SUCLA2: variants seen among roughly 807,000 people sequenced by gnomAD.
SUCLA2 encodes the protein succinate-CoA ligase ADP-forming subunit beta.
A neutral mutation model predicts 54.8 loss-of-function variants in SUCLA2; 30 were observed. The observed-to-expected ratio is 0.55, with a 90% CI of 0.41 to 0.74. The LOEUF (loss-of-function observed/expected upper bound fraction) is 0.74. SUCLA2 is among the 30% of genes least tolerant of loss of function. The pLI, the probability that SUCLA2 is intolerant of heterozygous loss-of-function variation, is 0.00. For synonymous variants in SUCLA2, 172 were observed against 188.9 expected, an observed-to-expected ratio of 0.91 and a Z score of 0.74; for missense variants, 476 against 562.9, an observed-to-expected ratio of 0.85 and a Z score of 1.56.
intron 1 of SUCLA2, 117 bp from the exon 2 acceptor site, chr13:47,997,140 T>C (rs2137754447): frequency 9.5e-7 from 1 of 1,056,076 alleles, no homozygotes; most frequent in Non-Finnish European, 1.4e-6. Flanking sequence ...AAGTACAATA[T>C]TCAGAGTACC....
intron 1 of SUCLA2, among the ~76,000 whole-genome samples, chr13:47,997,685 A>T (rs1420301613): frequency 6.6e-6 from 1 of 152,228 alleles, no homozygotes; most frequent in African/African-American, 2.4e-5. Flanking sequence ...TGGTCAATGG[A>T]ATCACACATT....
chr13:47,990,165 T>A (rs1165847616), intron 2 of SUCLA2, among the ~76,000 whole-genome samples: 1 of 152,270 alleles, frequency 6.6e-6, no homozygotes, highest in South Asian at 2.1e-4. Context: ...CTAGCCAATA[T>A]GGTGAAATCT....
At position 47,943,356 on chromosome 13, in the gene SUCLA2, C is replaced by T; in HGVS notation, c.*15G>A. 6.2e-7 allele frequency: 1 copy of T among 1,612,272 alleles called. No homozygotes were observed. The highest frequency in any genetic ancestry group is 1.1e-5 in the South Asian group (1 of 91,018). ...AGCACATTTAACACCTTCAGCCATC[C>T]ACTGGGTTTTCAGATCATATTGGCA... On this transcript the variant is annotated 3_prime_UTR_variant, in exon 11 of 11. Coordinates refer to ENST00000646932, the MANE Select transcript of SUCLA2 (RefSeq NM_003850.3).
chr13:47,985,236 T>G (rs1334493636), intron 4 of SUCLA2, among the ~76,000 whole-genome samples: 1 of 152,206 alleles, frequency 6.6e-6, no homozygotes, highest in Admixed American at 6.5e-5. Context: ...TTTTTTTCTC[T>G]TCAACTTTTA....
At chr13:47,966,275 T>A (rs566899582) in intron 6 of SUCLA2, among the ~76,000 whole-genome samples, 165 of 152,196 alleles carry the variant, frequency 1.1e-3, no homozygotes, top group African/African-American at 3.9e-3. Flanking sequence ...TATCAAAATT[T>A]AAAAGTAAGG....
intron 5 of SUCLA2, 99 bp downstream of exon 5, chr13:47,973,165 G>A: frequency 9.4e-7 from 1 of 1,068,540 alleles, no homozygotes; most frequent in South Asian, 1.3e-5. Flanking sequence ...CACTCAAAAT[G>A]TTTAAATAAG....
chr13:47,959,384 T>C (rs538962692), intron 6 of SUCLA2, among the ~76,000 whole-genome samples: 3 of 118,940 alleles, frequency 2.5e-5, no homozygotes, highest in South Asian at 2.8e-4. Flanking sequence ...TAAAATGATG[T>C]TATTTAAACA....
chr13:47,977,900 G>A (rs1308285621), intron 4 of SUCLA2, among the ~76,000 whole-genome samples: 2 of 152,100 alleles, frequency 1.3e-5, no homozygotes, highest in Admixed American at 6.6e-5. Flanking sequence ...AATCATGAGT[G>A]AACTCCCATT....
chr13:47,947,694 T>C (rs546913302), intron 10 of SUCLA2, among the ~76,000 whole-genome samples: 1 of 152,152 alleles, frequency 6.6e-6, no homozygotes, highest in African/African-American at 2.4e-5. Context: ...AAATCAAATA[T>C]GAATATGGTC....
intron 4 of SUCLA2, among the ~76,000 whole-genome samples, chr13:47,982,485 T>A (rs995533454): frequency 1.1e-5 from 1 of 93,490 alleles, no homozygotes; most frequent in Non-Finnish European, 2.1e-5. Flanking sequence ...CAAAAAAAGT[T>A]CTAGAAAAAT....
chr13:47,973,528 T>C lies in SUCLA2; in HGVS notation c.535-136A>G, dbSNP rs7326861. On this transcript the variant is annotated intron_variant, in intron 4 of 10. Transcript: ENST00000646932. ...CCACATTTTAAAATTTTCTTGAGAA[T>C]TTATCCTCACATCTCCAGCACAGTG... 107,164 of 936,476 alleles carry C rather than the reference T, an allele frequency of 0.11. 7,003 individuals are homozygous for C. The highest frequency in any genetic ancestry group is 0.18 in the South Asian group (12,225 of 68,446). The allele number at this position is 936,476 out of a possible 1,614,324, so 58.0% of individuals were successfully genotyped here. A position where few individuals can be genotyped will look rare whatever the true frequency, so the allele number is the denominator to read the frequency against.
chr13:47,960,955 A>G (rs1423337592), intron 6 of SUCLA2, among the ~76,000 whole-genome samples: 1 of 152,226 alleles, frequency 6.6e-6, no homozygotes, highest in Non-Finnish European at 1.5e-5. Context: ...GGATAAGATC[A>G]GAGTTTTTCT....
At chr13:47,949,409 T>C in intron 9 of SUCLA2, 74 bp downstream of exon 9, 1 of 1,545,646 alleles carries the variant, frequency 6.5e-7, no homozygotes, top group South Asian at 1.1e-5. Context: ...AACTATGTTT[T>C]AACAAACTGA....
intron 4 of SUCLA2, among the ~76,000 whole-genome samples, chr13:47,982,855 C>T (rs1412430096): frequency 6.6e-6 from 1 of 152,120 alleles, no homozygotes; most frequent in Non-Finnish European, 1.5e-5. Flanking sequence ...CCTCCCAGAC[C>T]TTGTTGGCTG....
chr13:47,988,173 T>G (rs1465527315), intron 4 of SUCLA2: 1 of 242,372 alleles, frequency 4.1e-6, no homozygotes, highest in Non-Finnish European at 7.8e-6. Flanking sequence ...TGGATACACA[T>G]TCTTCTAGTG....
intron 4 of SUCLA2, among the ~76,000 whole-genome samples, chr13:47,974,633 G>C (rs1949994117): frequency 6.6e-6 from 1 of 152,098 alleles, no homozygotes; most frequent in Non-Finnish European, 1.5e-5. Flanking sequence ...TAACTAGTTT[G>C]AAAGAATAGC....
At chr13:47,952,207 T>A (rs545131319) in intron 8 of SUCLA2, among the ~76,000 whole-genome samples, 1 of 152,234 alleles carries the variant, frequency 6.6e-6, no homozygotes, top group Non-Finnish European at 1.5e-5. Context: ...CTCAAAACTC[T>A]TCACCTTGGT....
intron 4 of SUCLA2, among the ~76,000 whole-genome samples, chr13:47,984,813 T>G (rs533176328): frequency 6.6e-6 from 1 of 152,048 alleles, no homozygotes; most frequent in East Asian, 1.9e-4. Flanking sequence ...GATGTGTATT[T>G]AAAAAAAATC....
At chr13:47,957,819 A>C (rs1185303951) in intron 6 of SUCLA2, among the ~76,000 whole-genome samples, 1 of 152,130 alleles carries the variant, frequency 6.6e-6, no homozygotes, top group Non-Finnish European at 1.5e-5. Context: ...GAAATTCCTA[A>C]GGAATTTTTG....
Sources: allele counts gnomAD v4.1 joint callset (sites outside exome capture counted in the v4.1 genomes callset), GRCh38; gene constraint gnomAD v4.1.1; transcripts MANE v1.5; gene names NCBI Gene and HGNC (gene_info 2026-07-23, HGNC 2026-07-21).